Variants in LARS1 observed in about 807,000 individuals in gnomAD.
LARS1 encodes leucyl-tRNA synthetase 1.
A neutral mutation model predicts 162.8 loss-of-function variants in LARS1; 100 were observed. The observed-to-expected ratio is 0.61, with a 90% CI of 0.52 to 0.73. The LOEUF (loss-of-function observed/expected upper bound fraction) is 0.73, where lower values mean the gene tolerates loss of function less well. LARS1 is among the 30% of genes least tolerant of loss of function. The pLI is 0.00. For synonymous variants in LARS1, 457 were observed against 462.8 expected, an observed-to-expected ratio of 0.99 and a Z score of 0.16; for missense variants, 1,258 against 1,408.9, an observed-to-expected ratio of 0.89 and a Z score of 1.71.
rs775525280 is a variant in LARS1, at chr5:146,157,755, A to G, written c.812T>C (p.Val271Ala). 2 of 1,614,050 alleles carry G rather than the reference A, an allele frequency of 1.2e-6. No homozygotes were observed. Among genetic ancestry groups the G allele is most frequent in the Admixed American group, 1.7e-5 (1 of 59,998 alleles). The change falls in exon 9 of 32, where the codon GTG becomes GCG. Residue 271 changes from valine to alanine, a missense_variant. Transcript: ENST00000394434. The part of the protein sequence containing the change: ...PQEYTLLKLK[V>A]LEPYPSKLSG... ...TAATTTAGATGGGTATGGCTCAAGC[A>G]CCTTCAATTTGAGTAAAGTATATTC...
At chr5:146,121,973 AAAAC>A (rs569411767) in intron 30 of LARS1, among the ~76,000 whole-genome samples, 13 of 152,264 alleles carry the variant, frequency 8.5e-5, no homozygotes, top group Middle Eastern at 3.4e-3. Flanking sequence ...CTTAAATTAA[AAAAC>A]AAACAAACAA....
At chr5:146,165,907 G>C (rs1352077408) in intron 5 of LARS1, among the ~76,000 whole-genome samples, 2 of 152,184 alleles carry the variant, frequency 1.3e-5, no homozygotes, top group African/African-American at 4.8e-5. Flanking sequence ...TCACAAATAA[G>C]CCAAGGGAAA....
chr5:146,116,774 T>G (rs1035418945), intron 31 of LARS1, among the ~76,000 whole-genome samples: 2 of 152,214 alleles, frequency 1.3e-5, no homozygotes, highest in African/African-American at 4.8e-5. Flanking sequence ...TCAGTGGCCT[T>G]TGTGGAATGA....
chr5:146,159,187 C>T (rs1205692994), intron 8 of LARS1, among the ~76,000 whole-genome samples: 1 of 151,982 alleles, frequency 6.6e-6, no homozygotes, highest in Non-Finnish European at 1.5e-5. Context: ...TTTCCTGTAA[C>T]AAACTGATGC....
At position 146,114,326 on chromosome 5, in the gene LARS1, A is replaced by G. The variant is rs774287902; in HGVS notation, c.3326-15T>C. 1 of 1,601,698 alleles carries G rather than the reference A, an allele frequency of 6.2e-7. No individual in the cohort carries two copies. The highest frequency in any genetic ancestry group is 2.2e-5 in the East Asian group (1 of 44,734). Reference sequence around the variant, plus strand: ...TTTGGAAAGGTCTACAACAAAATAAATTATCAATATAAGCATTTAATTACA... The same window carrying G: ...TTTGGAAAGGTCTACAACAAAATAAGTTATCAATATAAGCATTTAATTACA... On this transcript the variant is annotated splice_polypyrimidine_tract_variant and intron_variant, in intron 31 of 31. Transcript: ENST00000394434.
At chr5:146,117,193 G>A (rs553017680) in intron 31 of LARS1, among the ~76,000 whole-genome samples, 5 of 152,258 alleles carry the variant, frequency 3.3e-5, no homozygotes, top group South Asian at 4.1e-4. Context: ...ATACATTTCA[G>A]TACAATTCTG....
intron 2 of LARS1, among the ~76,000 whole-genome samples, chr5:146,176,521 G>A (rs113071158): frequency 2.6e-5 from 4 of 151,246 alleles, no homozygotes; most frequent in Non-Finnish European, 5.9e-5. Flanking sequence ...AAATTTGCTA[G>A]CACATTTGCT....
rs1752520073 is a variant in LARS1 at position 146,136,818 on chromosome 5, A to C, written c.2149-1154T>G. Among the ~76,000 whole-genome samples, 3 of 152,110 alleles carry C rather than the reference A, an allele frequency of 2.0e-5. No homozygotes were observed. The South Asian group carries it at 6.2e-4, about 31-fold the overall frequency. ...AAAGGAACATCTTTTATTACCTTTC[A>C]ATATTAGGGCACAGGCTAAGTCTGA... is the stretch of plus-strand genomic sequence containing the variant. On this transcript the variant is annotated intron_variant, in intron 21 of 31. Coordinates refer to ENST00000394434, the MANE Select transcript of LARS1 (RefSeq NM_020117.11).
chr5:146,154,386 A>G (rs1418239677), intron 10 of LARS1, among the ~76,000 whole-genome samples: 1 of 152,224 alleles, frequency 6.6e-6, no homozygotes, highest in Non-Finnish European at 1.5e-5. Flanking sequence ...GTAAGTACGT[A>G]AGGTATAAAT....
Position 146,135,655 on chromosome 5 carries a change from AT to A in LARS1, c.2157del (p.Lys719AsnfsTer9). ...GTCAAAGTGAGGAAGTTGCCTGTGG[AT>A]TTTGACATCTGAAATAGAGAGTCAG... ...HLLLNSEKMSKSTGNFLTLTQ... is the reference protein window; with the variant it reads ...HLLLNSEKMSXSTGNFLTLTQ... On this transcript the variant is annotated frameshift_variant, in exon 22 of 32. Transcript: ENST00000394434. LOFTEE classifies it high-confidence loss of function. 1 of 1,596,292 alleles carries A rather than the reference AT, an allele frequency of 6.3e-7. No homozygotes were observed. The highest frequency in any genetic ancestry group is 8.5e-7 in the Non-Finnish European group (1 of 1,174,498).
intron 13 of LARS1, among the ~76,000 whole-genome samples, chr5:146,152,330 G>A (rs1295405983): frequency 6.6e-6 from 1 of 152,058 alleles, no homozygotes; most frequent in Non-Finnish European, 1.5e-5. Context: ...ATGTAAACCA[G>A]GGGTTCCCAA....
At chr5:146,146,337 C>T (rs768539714) in intron 15 of LARS1, among the ~76,000 whole-genome samples, 86 of 116,312 alleles carry the variant, frequency 7.4e-4, no homozygotes, top group Non-Finnish European at 1.4e-3. Flanking sequence ...GAGCAAAACT[C>T]CGAAAAAAAA....
rs114021027 is a variant in LARS1, at chr5:146,171,042, G to A, written c.294+868C>T. ...TACTACCATTCCACTTTTTCTGTAGGATTGACATTCTTTAAAATAAAAGGT... is the reference window on the plus strand; with the variant it reads ...TACTACCATTCCACTTTTTCTGTAGAATTGACATTCTTTAAAATAAAAGGT... On this transcript the variant is annotated intron_variant, in intron 4 of 31. Transcript: ENST00000394434. 9.7e-3 allele frequency among the ~76,000 whole-genome samples: 1,465 copies of A among 151,674 alleles called. 17 individuals are homozygous for A. Among genetic ancestry groups the A allele is most frequent in the South Asian group, 0.024 (117 of 4,800 alleles).
At chr5:146,139,298 G>A (rs1314762211) in intron 21 of LARS1, among the ~76,000 whole-genome samples, 4 of 149,850 alleles carry the variant, frequency 2.7e-5, no homozygotes, top group South Asian at 2.1e-4. Context: ...AGCCAAGATC[G>A]TGTCACTGCA....
chr5:146,129,145 C>G (rs1002532945), intron 25 of LARS1, 27 bp from the exon 26 acceptor site: 5 of 1,551,492 alleles, frequency 3.2e-6, no homozygotes, highest in Admixed American at 2.1e-5. Flanking sequence ...AACAAAAAAA[C>G]CTTCAGTGAG....
chr5:146,167,072 A>G (rs1033633848), intron 5 of LARS1, among the ~76,000 whole-genome samples: 4 of 152,244 alleles, frequency 2.6e-5, no homozygotes, highest in African/African-American at 9.6e-5. Flanking sequence ...ATCTATAATT[A>G]TCTGACCCGT....
At chr5:146,176,479 AAAG>A (rs1471089995) in intron 2 of LARS1, among the ~76,000 whole-genome samples, 18 of 151,844 alleles carry the variant, frequency 1.2e-4, no homozygotes, top group Non-Finnish European at 2.6e-4. Context: ...AAAGAAAGAA[AAAG>A]AAGATTAAAT....
chr5:146,142,951 G>A lies in LARS1; in HGVS notation c.2011C>T (p.Arg671Cys), dbSNP rs1405390063. Reference sequence around the variant, plus strand: ...GGAACAAGATCCTTGCCAGAGACGCGAAGATCAACAGGATACCAGAATTCA... The same window carrying A: ...GGAACAAGATCCTTGCCAGAGACGCAAAGATCAACAGGATACCAGAATTCA... ...EFEFWYPVDL[R>C]VSGKDLVPNH... The change falls in exon 20 of 32, where the codon CGC becomes TGC. Residue 671 changes from arginine to cysteine, a missense_variant. Arg to Cys is a radical substitution (Grantham distance 180). Transcript: ENST00000394434. 11 of 1,613,998 alleles carry A rather than the reference G, an allele frequency of 6.8e-6. No individual in the cohort carries two copies. Among genetic ancestry groups the A allele is most frequent in the Non-Finnish European group, 9.3e-6 (11 of 1,179,954 alleles).
intron 20 of LARS1, among the ~76,000 whole-genome samples, chr5:146,141,157 G>T (rs1001613196): frequency 2.6e-5 from 4 of 152,102 alleles, no homozygotes; most frequent in Admixed American, 6.5e-5. Flanking sequence ...GAGATCATAT[G>T]GGGGGTTGAG....
Sources: gnomAD v4.1 joint callset for allele counts (sites outside exome capture counted in the v4.1 genomes callset) on GRCh38, gnomAD v4.1.1 for gene constraint, MANE v1.5 for transcripts, NCBI Gene and HGNC (gene_info 2026-07-23, HGNC 2026-07-21) for gene names.